The following DYNLT2B variants were observed in gnomAD, a reference collection of about 807,000 sequenced individuals.
The protein encoded by DYNLT2B is dynein light chain Tctex-type protein 2B.
Under a neutral mutation model 19.5 loss-of-function variants are expected in DYNLT2B, and 14 were observed. That is an observed-to-expected ratio of 0.72 (90% CI 0.47 to 1.12). The LOEUF (loss-of-function observed/expected upper bound fraction) is 1.12. Ranked by LOEUF, DYNLT2B falls within the 50% of genes most tolerant of loss-of-function variation. The probability of loss-of-function intolerance (pLI) is 0.00; values close to 1 mark genes in which losing one functional copy is unlikely to be tolerated. For synonymous variants in DYNLT2B, 70 were observed against 59.7 expected, an observed-to-expected ratio of 1.17 and a Z score of -0.79; for missense variants, 133 against 174.7, an observed-to-expected ratio of 0.76 and a Z score of 1.35.
intron 3 of DYNLT2B, among the ~76,000 whole-genome samples, chr3:196,306,439 A>G (rs895819311): frequency 8.6e-5 from 13 of 151,940 alleles, no homozygotes; most frequent in Non-Finnish European, 1.9e-4. Context: ...TTAAACAAAA[A>G]AAAAAGAAAA....
chr3:196,315,685 C>T (rs1393237001), intron 2 of DYNLT2B, among the ~76,000 whole-genome samples: 1 of 151,868 alleles, frequency 6.6e-6, no homozygotes, highest in Non-Finnish European at 1.5e-5. Context: ...CCAGCCTGAC[C>T]AACATGGAGA....
chr3:196,302,055 C>T (rs745397938), intron 3 of DYNLT2B, among the ~76,000 whole-genome samples: 3 of 147,904 alleles, frequency 2.0e-5, no homozygotes, highest in South Asian at 2.2e-4. Context: ...TGCGATGAGT[C>T]GAGATCACAC....
chr3:196,306,038 T>TA (rs919908721), intron 3 of DYNLT2B, among the ~76,000 whole-genome samples: 18 of 151,040 alleles, frequency 1.2e-4, no homozygotes, highest in Non-Finnish European at 2.1e-4. Flanking sequence ...TCTTACGTCT[T>TA]AAAAAAAAAT....
At position 196,300,110 on chromosome 3, in the gene DYNLT2B, G is replaced by A. The variant is rs542473978; in HGVS notation, c.318-4041C>T. Among the ~76,000 whole-genome samples, 78 of 152,258 alleles carry A rather than the reference G, an allele frequency of 5.1e-4. 2 individuals are homozygous for A. The South Asian group carries it at 0.014, about 27-fold the overall frequency. On this transcript the variant is annotated intron_variant, in intron 3 of 4. Transcript: ENST00000325318. Reference sequence around the variant, plus strand: ...TCAGGGGCCTCTAACTGGAACAGACGAGGAAATGGATTCAGTCTTAGAGCC... The same window carrying A: ...TCAGGGGCCTCTAACTGGAACAGACAAGGAAATGGATTCAGTCTTAGAGCC...
chr3:196,309,012 T>C (rs1189675624), intron 2 of DYNLT2B, among the ~76,000 whole-genome samples: 1 of 150,384 alleles, frequency 6.6e-6, no homozygotes, highest in Non-Finnish European at 1.5e-5. Context: ...CAATTAAAAA[T>C]CCCCCACATT....
chr3:196,306,854 TA>T (rs1159380774), intron 3 of DYNLT2B, 88 bp downstream of exon 3: 11 of 1,232,264 alleles, frequency 8.9e-6, no homozygotes, highest in Non-Finnish European at 1.3e-5. Flanking sequence ...CTCACTCTTG[TA>T]AAGGCACTCT....
At position 196,295,460 on chromosome 3, in the gene DYNLT2B, C is replaced by A. The variant is rs913875120; in HGVS notation, c.381+546G>T. On this transcript the variant is annotated intron_variant, in intron 4 of 4. Coordinates refer to ENST00000325318, the MANE Select transcript of DYNLT2B (RefSeq NM_152773.5). ...ATAGGCATGAGCCACCGCGCCTGGC[C>A]TGAAACATCTTTTTAAAGATTCCTC... 3.3e-5 allele frequency among the ~76,000 whole-genome samples: 5 copies of A among 152,144 alleles called. No individual in the cohort carries two copies. The East Asian group carries it at 9.6e-4, about 29-fold the overall frequency.
intron 2 of DYNLT2B, chr3:196,315,193 T>C (rs554077550): frequency 2.4e-6 from 1 of 424,518 alleles, no homozygotes; most frequent in African/African-American, 2.1e-5. Context: ...AAGAAAAAGT[T>C]GTCTTTAATA....
At chr3:196,317,716 G>A (rs900975345) in intron 1 of DYNLT2B, among the ~76,000 whole-genome samples, 11 of 152,150 alleles carry the variant, frequency 7.2e-5, no homozygotes, top group African/African-American at 2.7e-4. Flanking sequence ...CGACGCGAGT[G>A]GCTTCCTGCC....
intron 3 of DYNLT2B, among the ~76,000 whole-genome samples, chr3:196,306,139 T>G (rs918906244): frequency 6.6e-6 from 1 of 151,430 alleles, no homozygotes; most frequent in East Asian, 1.9e-4. Flanking sequence ...AGGTCTGGCA[T>G]GGTGGTTCAA....
At chr3:196,293,298 C>A (rs971128828) in intron 4 of DYNLT2B, among the ~76,000 whole-genome samples, 5 of 152,128 alleles carry the variant, frequency 3.3e-5, no homozygotes, top group African/African-American at 1.2e-4. Context: ...GAGCTCAGAA[C>A]TATTTGTTGA....
chr3:196,305,793 T>A (rs1326423459), intron 3 of DYNLT2B: 1 of 152,922 alleles, frequency 6.5e-6, no homozygotes, highest in Admixed American at 6.6e-5. Flanking sequence ...GAAGCAAGAC[T>A]GTCATAAAAA....
chr3:196,312,144 T>C (rs1248005803), intron 2 of DYNLT2B, among the ~76,000 whole-genome samples: 1 of 152,170 alleles, frequency 6.6e-6, no homozygotes, highest in African/African-American at 2.4e-5. Context: ...CCTCCCTAAG[T>C]GCTGGGATTA....
In DYNLT2B at chr3:196,318,149, C is replaced by T. The variant is rs898018275; in HGVS notation, c.4G>A (p.Ala2Thr). 2.6e-6 allele frequency: 4 copies of T among 1,522,562 alleles called. No homozygotes were observed. The highest frequency in any genetic ancestry group is 2.9e-5 in the African/African-American group (2 of 69,770). The allele number at this position is 1,522,562 out of a possible 1,614,324, so 94.3% of individuals were successfully genotyped here. A position where few individuals can be genotyped will look rare whatever the true frequency, so the allele number is the denominator to read the frequency against. ...GAGAAGGACACTCCGATGGACGTGG[C>T]CATGCCGGGGCTTCTCGGTCCGGGC... M[A>T]TSIGVSFSVG... The change falls in exon 1 of 5, where the codon GCC (alanine) becomes ACC (threonine). Residue 2 changes from alanine to threonine, a missense_variant. Coordinates refer to ENST00000325318, the MANE Select transcript of DYNLT2B (RefSeq NM_152773.5).
Position 196,313,170 on chromosome 3 carries a change from T to C in DYNLT2B, c.247+2928A>G, listed in dbSNP as rs143082555. 3.2e-4 allele frequency among the ~76,000 whole-genome samples: 48 copies of C among 151,964 alleles called. No individual in the cohort carries two copies. The East Asian group carries it at 8.7e-3, about 28-fold the overall frequency. ...GTCCATGTATATGGACATGTAGAAG[T>C]CTGTTGTAATGTTTGCCTAGTATTA... On this transcript the variant is annotated intron_variant, in intron 2 of 4. Transcript: ENST00000325318.
chr3:196,308,700 C>T (rs773476243), intron 2 of DYNLT2B, among the ~76,000 whole-genome samples: 15 of 152,186 alleles, frequency 9.9e-5, no homozygotes, highest in Non-Finnish European at 1.9e-4. Context: ...AGACTACAGG[C>T]AATCTCCCAT....
intron 1 of DYNLT2B, among the ~76,000 whole-genome samples, chr3:196,317,042 GT>G (rs1726842743): frequency 8.2e-6 from 1 of 121,534 alleles, no homozygotes; most frequent in African/African-American, 3.2e-5. Context: ...GTGTGTGTGT[GT>G]GTTGTGTGGT....
chr3:196,296,798 C>A (rs552004423), intron 3 of DYNLT2B, among the ~76,000 whole-genome samples: 23 of 152,140 alleles, frequency 1.5e-4, no homozygotes, highest in Non-Finnish European at 2.8e-4. Context: ...CCTGTAGTCC[C>A]AGCAACTCAG....
At position 196,296,086 on chromosome 3, in the gene DYNLT2B, T is replaced by C. The variant is rs755862288; in HGVS notation, c.318-17A>G. The C allele has an allele frequency of 3.7e-6, 6 of 1,611,626 alleles. No individual in the cohort carries two copies. Among genetic ancestry groups the C allele is most frequent in the Non-Finnish European group, 5.1e-6 (6 of 1,177,930 alleles). On this transcript the variant is annotated splice_polypyrimidine_tract_variant and intron_variant, in intron 3 of 4. Transcript: ENST00000325318. Reference sequence around the variant, plus strand: ...GAAGCCATGCTAAAAAATCCAAGAATGAAGAATTATCAACAATCTAACAAG... The same window carrying C: ...GAAGCCATGCTAAAAAATCCAAGAACGAAGAATTATCAACAATCTAACAAG...
Sources: gnomAD v4.1 joint callset for allele counts (sites outside exome capture counted in the v4.1 genomes callset) on GRCh38, gnomAD v4.1.1 for gene constraint, MANE v1.5 for transcripts, NCBI Gene and HGNC (gene_info 2026-07-23, HGNC 2026-07-21) for gene names.